Variants in CUEDC1 observed in about 807,000 individuals in gnomAD.
CUEDC1 encodes the protein CUE domain-containing protein 1.
In CUEDC1, 30 loss-of-function variants were observed where a neutral mutation model predicts 43.7. The observed-to-expected ratio is 0.69, with a 90% CI of 0.51 to 0.93. CUEDC1 has a LOEUF of 0.93. CUEDC1 is among the 40% of genes least tolerant of loss of function. CUEDC1 has a pLI of 0.00. For synonymous variants in CUEDC1, 223 were observed against 223.6 expected (o/e 1.00, Z 0.02); for missense variants, 486 against 549.0 (o/e 0.89, Z 1.15).
chr17:57,952,484 C>T (rs978187060), intron 1 of CUEDC1, among the ~76,000 whole-genome samples: 5 of 152,166 alleles, frequency 3.3e-5, no homozygotes, highest in Non-Finnish European at 5.9e-5. Context: ...CCCTCGGCCT[C>T]CCAGAGTGGT....
chr17:57,944,317 T>C (rs1183195477), intron 1 of CUEDC1, among the ~76,000 whole-genome samples: 5 of 151,722 alleles, frequency 3.3e-5, no homozygotes, highest in Non-Finnish European at 7.4e-5. Context: ...TTCAAGTGAT[T>C]CTCCTGCCTC....
chr17:57,934,594 A>C (rs1173669765), intron 1 of CUEDC1, among the ~76,000 whole-genome samples: 1 of 151,382 alleles, frequency 6.6e-6, no homozygotes, highest in African/African-American at 2.4e-5. Flanking sequence ...AAAGGAAAGA[A>C]AGACAATATT....
At chr17:57,935,417 A>G (rs2074851894) in intron 1 of CUEDC1, among the ~76,000 whole-genome samples, 1 of 151,456 alleles carries the variant, frequency 6.6e-6, no homozygotes, top group Non-Finnish European at 1.5e-5. Flanking sequence ...ACACACACAC[A>G]CACACCCTGT....
chr17:57,918,315 A>G (rs2074664242), intron 1 of CUEDC1, among the ~76,000 whole-genome samples: 1 of 152,094 alleles, frequency 6.6e-6, no homozygotes. Context: ...TCAGCCGGGA[A>G]CCCTCTGGGT....
In CUEDC1 at chr17:57,872,868, G is replaced by A. The variant is rs1055721837; in HGVS notation, c.592-13C>T. ...CCCCAGCGTTACCCTGAGGAGGGAA[G>A]CGAGCATGTTGAATGTGTACACACA... is the stretch of plus-strand genomic sequence containing the variant. On this transcript the variant is annotated splice_polypyrimidine_tract_variant and intron_variant, in intron 4 of 10. Transcript: ENST00000577830. The A allele has an allele frequency of 6.2e-7, 1 of 1,607,648 alleles. No individual in the cohort carries two copies. Among genetic ancestry groups the A allele is most frequent in the African/African-American group, 1.3e-5 (1 of 74,372 alleles).
chr17:57,865,173 T>C (rs2073939331), intron 10 of CUEDC1, among the ~76,000 whole-genome samples: 1 of 152,120 alleles, frequency 6.6e-6, no homozygotes, highest in African/African-American at 2.4e-5. Context: ...GGCGTGGAGA[T>C]AGTAGCAGCG....
chr17:57,926,328 C>A (rs2074747042), intron 1 of CUEDC1, among the ~76,000 whole-genome samples: 1 of 152,088 alleles, frequency 6.6e-6, no homozygotes, highest in Non-Finnish European at 1.5e-5. Context: ...CCACACCAAG[C>A]CAAAAAGGTG....
At chr17:57,902,764 G>C (rs772008028) in intron 1 of CUEDC1, among the ~76,000 whole-genome samples, 29 of 152,356 alleles carry the variant, frequency 1.9e-4, no homozygotes, top group Non-Finnish European at 2.9e-4. Flanking sequence ...ATTCAGCCAG[G>C]CTCCAGGTTG....
At chr17:57,902,605 C>A (rs2074484807) in intron 1 of CUEDC1, among the ~76,000 whole-genome samples, 1 of 152,214 alleles carries the variant, frequency 6.6e-6, no homozygotes, top group Admixed American at 6.5e-5. Context: ...TGAATTGTAG[C>A]CAGGATCTGC....
intron 1 of CUEDC1, among the ~76,000 whole-genome samples, chr17:57,926,441 C>A (rs2074748097): frequency 6.6e-6 from 1 of 152,032 alleles, no homozygotes; most frequent in South Asian, 2.1e-4. Context: ...ATCCTAGATA[C>A]TACATCAAAA....
intron 1 of CUEDC1, among the ~76,000 whole-genome samples, chr17:57,914,564 G>A (rs1241883267): frequency 6.6e-6 from 1 of 152,194 alleles, no homozygotes; most frequent in Non-Finnish European, 1.5e-5. Flanking sequence ...GGGTCTGGGA[G>A]TCAGCAGTCC....
Position 57,862,667 on chromosome 17 carries a change from T to A in CUEDC1, c.*622A>T, listed in dbSNP as rs1009446928. On this transcript the variant is annotated 3_prime_UTR_variant, in exon 11 of 11. Coordinates refer to ENST00000577830, the MANE Select transcript of CUEDC1 (RefSeq NM_001271875.2). The stretch of plus-strand genomic sequence containing the variant: ...GCAGTAGCCCATAGCTCCTCAGAGT[T>A]CCTGGGGGACTGGCCAGGGACCTCC... 1 of 152,142 alleles carries A rather than the reference T, an allele frequency of 6.6e-6. No homozygotes were observed. The highest frequency in any genetic ancestry group is 2.1e-4 in the South Asian group (1 of 4,818). 9.4% of individuals were successfully genotyped at this position (152,142 alleles called of 1,614,324 possible).
At chr17:57,867,056 GCAGGCCTGTCTGCCACCTCAC>G (rs1171273427) in intron 9 of CUEDC1, 1 of 495,500 alleles carries the variant, frequency 2.0e-6, no homozygotes, top group Admixed American at 3.2e-5. Flanking sequence ...CCCCATGGGG[GCAGGCCTGTCTGCCACCTCAC>G]ACCCAAAAGA....
intron 1 of CUEDC1, among the ~76,000 whole-genome samples, chr17:57,886,817 GTTTTTTT>G (rs777598269): frequency 8.4e-6 from 1 of 118,502 alleles, no homozygotes; most frequent in Non-Finnish European, 1.7e-5. Context: ...AATTCTGGTT[GTTTTTTT>G]TTTTTTTTTT....
intron 8 of CUEDC1, 75 bp from the exon 9 acceptor site, chr17:57,867,490 C>T: frequency 2.3e-6 from 3 of 1,331,994 alleles, no homozygotes; most frequent in Non-Finnish European, 3.2e-6. Context: ...CACTGACTCT[C>T]TGCCCCACCC....
intron 1 of CUEDC1, among the ~76,000 whole-genome samples, chr17:57,908,239 T>C (rs2074548625): frequency 1.3e-5 from 2 of 152,142 alleles, no homozygotes; most frequent in Admixed American, 1.3e-4. Flanking sequence ...GTATTTTTGG[T>C]AGAGACGAGG....
intron 3 of CUEDC1, among the ~76,000 whole-genome samples, chr17:57,876,041 G>A (rs892299982): frequency 6.6e-6 from 1 of 152,110 alleles, no homozygotes; most frequent in Non-Finnish European, 1.5e-5. Context: ...TGCCCCATCT[G>A]CAGGTTCTCG....
intron 3 of CUEDC1, among the ~76,000 whole-genome samples, chr17:57,878,075 G>A (rs1269235324): frequency 6.6e-6 from 1 of 151,940 alleles, no homozygotes; most frequent in African/African-American, 2.4e-5. Flanking sequence ...TCCTGTCCCT[G>A]ACTCAAAACA....
intron 2 of CUEDC1, among the ~76,000 whole-genome samples, chr17:57,880,648 G>A (rs190786763): frequency 6.6e-6 from 1 of 152,306 alleles, no homozygotes; most frequent in Non-Finnish European, 1.5e-5. Context: ...GTTTGGGGCA[G>A]CTAAACACAT....
Sources: allele counts gnomAD v4.1 joint callset (sites outside exome capture counted in the v4.1 genomes callset), GRCh38; gene constraint gnomAD v4.1.1; transcripts MANE v1.5; gene names NCBI Gene and HGNC (gene_info 2026-07-23, HGNC 2026-07-21).